The following GMCL1 variants were observed in gnomAD, a reference collection of about 807,000 sequenced individuals.
GMCL1 encodes germ cell-less protein-like 1.
Under a neutral mutation model 75.5 loss-of-function variants are expected in GMCL1, and 54 were observed. The observed-to-expected ratio is 0.71, with a 90% CI of 0.57 to 0.90. The LOEUF is 0.90. Among genes scored for constraint, GMCL1 ranks in the 40% least tolerant of loss-of-function variants. The probability of loss-of-function intolerance (pLI) is 0.00; values close to 1 mark genes in which losing one functional copy is unlikely to be tolerated. For synonymous variants in GMCL1, 210 were observed against 209.6 expected (o/e 1.00, Z -0.02); for missense variants, 537 against 622.7 (o/e 0.86, Z 1.47).
rs556952445 is a variant in GMCL1 at position 69,846,952 on chromosome 2, C to T, written c.759-591C>T. Among the ~76,000 whole-genome samples the T allele has an allele frequency of 2.0e-5, 3 of 152,062 alleles. No individual in the cohort carries two copies. In the East Asian group the frequency reaches 5.8e-4, roughly 29 times the overall value. On this transcript the variant is annotated intron_variant, in intron 6 of 13. Transcript: ENST00000282570. ...CAAGCGATCCTTCCCACCCCTTCAG[C>T]CTCCCGAGTAGCTGGGACTACAGGT...
At chr2:69,878,473 C>A (rs192480481) in intron 13 of GMCL1, among the ~76,000 whole-genome samples, 1 of 152,074 alleles carries the variant, frequency 6.6e-6, no homozygotes, top group East Asian at 1.9e-4. Flanking sequence ...ATAGAAAGAC[C>A]CTATCTCATT....
At chr2:69,843,346 G>A in intron 5 of GMCL1, 85 bp downstream of exon 5, 1 of 657,240 alleles carries the variant, frequency 1.5e-6, no homozygotes, top group Non-Finnish European at 2.7e-6. Context: ...ATAGCTATAA[G>A]AAAGAAAGAA....
At chr2:69,851,649 C>T (rs974412729) in intron 8 of GMCL1, among the ~76,000 whole-genome samples, 10 of 151,938 alleles carry the variant, frequency 6.6e-5, no homozygotes, top group African/African-American at 2.4e-4. Context: ...ATGTACTTGT[C>T]TGTATTCCCA....
chr2:69,856,806 GTT>G (rs1675483015), intron 9 of GMCL1, among the ~76,000 whole-genome samples: 1 of 151,790 alleles, frequency 6.6e-6, no homozygotes, highest in African/African-American at 2.4e-5. Context: ...ATCTGAGCCT[GTT>G]TTCTCTTCTG....
chr2:69,849,539 A>G (rs1675249851), intron 7 of GMCL1, 113 bp from the exon 8 acceptor site: 3 of 613,650 alleles, frequency 4.9e-6, no homozygotes, highest in Non-Finnish European at 8.2e-6. Flanking sequence ...CTGGTAAAGT[A>G]GAAGTTAAAT....
chr2:69,835,497 A>G (rs186786092), intron 1 of GMCL1, among the ~76,000 whole-genome samples: 48 of 151,696 alleles, frequency 3.2e-4, no homozygotes, highest in Non-Finnish European at 4.6e-4. Context: ...GTCCACTTAT[A>G]TTTAAGAAGG....
chr2:69,841,652 A>G (rs1674988958), intron 4 of GMCL1, among the ~76,000 whole-genome samples: 1 of 152,238 alleles, frequency 6.6e-6, no homozygotes, highest in African/African-American at 2.4e-5. Context: ...AAGGTAAAGT[A>G]AGAGCTGTTC....
At chr2:69,849,574 G>A in intron 7 of GMCL1, 78 bp from the exon 8 acceptor site, 2 of 931,424 alleles carry the variant, frequency 2.1e-6, no homozygotes, top group Non-Finnish European at 3.2e-6. Flanking sequence ...ATTTTAAGGT[G>A]AAAGCAATTT....
intron 4 of GMCL1, among the ~76,000 whole-genome samples, chr2:69,841,999 C>T (rs1198813541): frequency 6.6e-6 from 1 of 152,176 alleles, no homozygotes; most frequent in African/African-American, 2.4e-5. Flanking sequence ...TTAGCATACA[C>T]AGTACCTTTG....
At chr2:69,834,553 T>A (rs1674768563) in intron 1 of GMCL1, among the ~76,000 whole-genome samples, 1 of 152,190 alleles carries the variant, frequency 6.6e-6, no homozygotes, top group Non-Finnish European at 1.5e-5. Context: ...TGACGCTGCT[T>A]CATTGTCTTC....
At chr2:69,854,988 G>C (rs1296744941) in intron 9 of GMCL1, 28 bp downstream of exon 9, 1 of 1,502,182 alleles carries the variant, frequency 6.7e-7, no homozygotes, top group South Asian at 1.2e-5. Context: ...GTAATTTTAA[G>C]TAATATATTT....
intron 11 of GMCL1, 33 bp downstream of exon 11, chr2:69,865,008 T>A (rs1327161275): frequency 6.7e-7 from 1 of 1,491,000 alleles, no homozygotes; most frequent in Non-Finnish European, 9.4e-7. Flanking sequence ...AATATTCTTA[T>A]ACAAATTGTA....
chr2:69,855,276 T>C (rs1246727105), intron 9 of GMCL1, among the ~76,000 whole-genome samples: 1 of 152,046 alleles, frequency 6.6e-6, no homozygotes, highest in Non-Finnish European at 1.5e-5. Context: ...ACTTTTGAAG[T>C]ATTTAAAGAT....
intron 1 of GMCL1, among the ~76,000 whole-genome samples, chr2:69,835,331 G>A (rs550332966): frequency 1.3e-5 from 2 of 152,032 alleles, no homozygotes; most frequent in African/African-American, 2.4e-5. Flanking sequence ...AGTCTATGGG[G>A]TAAATATAAT....
intron 11 of GMCL1, 106 bp from the exon 12 acceptor site, chr2:69,869,613 G>T: frequency 8.9e-7 from 1 of 1,118,510 alleles, no homozygotes; most frequent in East Asian, 2.4e-5. Flanking sequence ...CCACCCATGA[G>T]GGAAATACTT....
In GMCL1 at chr2:69,847,552, C is replaced by T. The variant is rs1442356202; in HGVS notation, c.768C>T (p.Val256=). 1 of 1,602,084 alleles carries T rather than the reference C, an allele frequency of 6.2e-7. No homozygotes were observed. The highest frequency in any genetic ancestry group is 8.6e-7 in the Non-Finnish European group (1 of 1,169,570). ...VELFKELSIN[V]MKQLIGSSNL... is the part of the protein sequence containing the mutation. ...TATTTATCCTTTTCAGTATAAATGTCATGAAACAGCTCATTGGTTCATCTA... is the reference window on the plus strand; with the variant it reads ...TATTTATCCTTTTCAGTATAAATGTTATGAAACAGCTCATTGGTTCATCTA... The change falls in exon 7 of 14, where the codon GTC becomes GTT. Residue 256 remains valine (V), a synonymous_variant. Transcript: ENST00000282570.
At chr2:69,859,824 T>G (rs2104011179) in intron 9 of GMCL1, among the ~76,000 whole-genome samples, 1 of 150,822 alleles carries the variant, frequency 6.6e-6, no homozygotes, top group East Asian at 1.9e-4. Flanking sequence ...TTACTTTTAT[T>G]AAGTAGAGAC....
chr2:69,869,188 G>T (rs891790745), intron 11 of GMCL1, among the ~76,000 whole-genome samples: 17 of 151,036 alleles, frequency 1.1e-4, no homozygotes, highest in Admixed American at 9.3e-4. Flanking sequence ...GGTGGAGGTT[G>T]TGGTGAGCCA....
intron 9 of GMCL1, among the ~76,000 whole-genome samples, chr2:69,859,667 A>C (rs894885701): frequency 6.7e-6 from 1 of 149,484 alleles, no homozygotes; most frequent in Non-Finnish European, 1.5e-5. Flanking sequence ...CCAGGAGTTC[A>C]AGGCTGCAGT....
Sources: allele counts gnomAD v4.1 joint callset (sites outside exome capture counted in the v4.1 genomes callset), GRCh38; gene constraint gnomAD v4.1.1; transcripts MANE v1.5; gene names NCBI Gene and HGNC (gene_info 2026-07-23, HGNC 2026-07-21).